The following IGSF10 variants were observed in gnomAD, a reference collection of about 807,000 sequenced individuals.
IGSF10 encodes immunoglobulin superfamily member 10.
IGSF10 carries 126 observed loss-of-function variants against 128.2 expected under a neutral mutation model. The ratio of observed to expected loss-of-function variants is 0.98; its 90% CI spans 0.85 to 1.14. The LOEUF is 1.14. Among genes scored for constraint, IGSF10 ranks in the 50% most tolerant of loss-of-function variants. The pLI is 0.00. For synonymous variants in IGSF10, 1,185 were observed against 1,146.2 expected, an observed-to-expected ratio of 1.03 and a Z score of -0.68; for missense variants, 3,295 against 3,149.8, an observed-to-expected ratio of 1.05 and a Z score of -1.10.
the IGSF10 span, among the ~76,000 whole-genome samples, chr3:151,560,708 C>CG: frequency 8.6e-5 from 13 of 151,808 alleles, no homozygotes; most frequent in South Asian, 1.0e-3. Context: ...CATAGCCCCC[C>CG]CCTCCGTCCC....
rs767644999 is a variant in IGSF10 at position 151,438,533 on chromosome 3, C to G, written c.6028G>C (p.Asp2010His). ...GCCACACACAAGTAGACACCACTGTCTTTTTCTGTTACTGATCCAATAAAC... is the reference window on the plus strand; with the variant it reads ...GCCACACACAAGTAGACACCACTGTGTTTTTCTGTTACTGATCCAATAAAC... Reference protein sequence around the residue: ...SLFIGSVTEKDSGVYLCVARN... With the variant: ...SLFIGSVTEKHSGVYLCVARN... The change falls in exon 8 of 8, where the codon GAC becomes CAC. Residue 2010 changes from aspartate to histidine, a missense_variant. Physicochemically the swap from Asp to His is moderately conservative, Grantham distance 81. Transcript: ENST00000282466. The G allele has an allele frequency of 6.8e-6, 11 of 1,614,000 alleles. No homozygotes were observed. The highest frequency in any genetic ancestry group is 5.5e-5 in the South Asian group (5 of 91,080).
upstream of IGSF10, among the ~76,000 whole-genome samples, chr3:151,463,544 T>TTG (rs1560185555): frequency 1.2e-4 from 13 of 105,566 alleles, no homozygotes; most frequent in East Asian, 3.9e-4. Flanking sequence ...TTTTTTTTTT[T>TTG]TTTTTTTTTT....
chr3:151,613,130 C>T, the IGSF10 span, among the ~76,000 whole-genome samples: 18 of 152,260 alleles, frequency 1.2e-4, no homozygotes, highest in African/African-American at 3.9e-4. Flanking sequence ...ATCCAACTTA[C>T]AAGGGATGTG....
At chr3:151,569,744 T>A in the IGSF10 span, among the ~76,000 whole-genome samples, 197 of 152,176 alleles carry the variant, frequency 1.3e-3, 2 homozygotes, top group African/African-American at 4.4e-3. Context: ...ATCTTTTTTT[T>A]AAATTATACT....
In IGSF10 at chr3:151,438,038, A is replaced by G. The variant is rs781279419; in HGVS notation, c.6523T>C (p.Trp2175Arg). 19 of 1,614,192 alleles carry G rather than the reference A, an allele frequency of 1.2e-5. No individual in the cohort carries two copies. The South Asian group carries it at 2.1e-4, about 18-fold the overall frequency. ...ATCATGTCATTGGAAGGCAGCAACC[A>G]AAATATTTTTGGTTTGGGATCCCCA... ...VTGDPKPKIFWLLPSNDMISF... is the reference protein window; with the variant it reads ...VTGDPKPKIFRLLPSNDMISF... The change falls in exon 8 of 8, where the codon TGG becomes CGG. Residue 2175 changes from tryptophan (W) to arginine (R), a missense_variant. Transcript: ENST00000282466.
At chr3:151,441,297 G>C (rs1720835123) in intron 7 of IGSF10, among the ~76,000 whole-genome samples, 1 of 152,216 alleles carries the variant, frequency 6.6e-6, no homozygotes, top group African/African-American at 2.4e-5. Context: ...GTTTCCCAGA[G>C]TGGAAGACAG....
chr3:151,618,456 C>T, the IGSF10 span, among the ~76,000 whole-genome samples: 3 of 152,240 alleles, frequency 2.0e-5, no homozygotes, highest in Admixed American at 1.3e-4. Context: ...GTTTGCCGGG[C>T]GCGGTGGCTC....
In IGSF10 at chr3:151,437,915, G is replaced by A. The variant is rs200663431; in HGVS notation, c.6646C>T (p.Arg2216Ter). ...LDSGEYVCVA[R>*]NPSGDDTKMY... The stretch of plus-strand genomic sequence containing the variant: ...TTGGTGTCATCCCCACTGGGATTTC[G>A]GGCTACACATACGTACTCTCCAGAA... Residue 2216 changes from arginine to a stop codon, truncating the protein, a stop_gained, in exon 8 of 8, where the codon CGA becomes TGA. Transcript: ENST00000282466. LOFTEE classifies it low-confidence loss of function (END_TRUNC). 1.2e-4 allele frequency: 195 copies of A among 1,614,060 alleles called. No homozygotes were observed. In the East Asian group the frequency reaches 4.0e-3, roughly 33 times the overall value.
Position 151,457,088 on chromosome 3 carries a change from G to C in IGSF10, c.262C>G (p.Leu88Val). The C allele has an allele frequency of 6.2e-7, 1 of 1,614,130 alleles. No individual in the cohort carries two copies. The highest frequency in any genetic ancestry group is 8.5e-7 in the Non-Finnish European group (1 of 1,179,966). ...ATTGTGTGAATGCCATTGCTGTGAA[G>C]CATGAGTAACTCCAGTTTGGTCAGG... ...SGLTKLELLM[L>V]HSNGIHTIPD... Residue 88 changes from leucine (L) to valine (V), a missense_variant, in exon 4 of 8, where the codon CTT becomes GTT. By Grantham distance (32) the Leu-to-Val change is conservative. Transcript: ENST00000282466.
chr3:151,566,377 A>T, the IGSF10 span, among the ~76,000 whole-genome samples: 1 of 152,162 alleles, frequency 6.6e-6, no homozygotes, highest in Non-Finnish European at 1.5e-5. Context: ...GTTCTACTTA[A>T]TAAGTACAAC....
At chr3:151,432,683 A>C, downstream of IGSF10, 1 of 1,142,066 alleles carries the variant, frequency 8.8e-7, no homozygotes, top group Non-Finnish European at 1.3e-6. Flanking sequence ...AGCAGTGACA[A>C]GAGGGTAGCA....
At chr3:151,544,868 T>C in the IGSF10 span, among the ~76,000 whole-genome samples, 6 of 152,122 alleles carry the variant, frequency 3.9e-5, no homozygotes, top group African/African-American at 9.7e-5. Flanking sequence ...GTTTTCTCTG[T>C]TTTCTACTCT....
chr3:151,487,368 C>A, the IGSF10 span, among the ~76,000 whole-genome samples: 1 of 152,120 alleles, frequency 6.6e-6, no homozygotes, highest in African/African-American at 2.4e-5. Flanking sequence ...AAGTCCAAGA[C>A]CAGACAGACT....
Position 151,437,754 on chromosome 3 carries a change from AG to A in IGSF10, c.6806del (p.Pro2269LeufsTer35). ...FDCRAEGTPS[P>X]EVMWIMPDNI... ...TGTCTGGCATGATCCACATGACTTC[AG>A]GAGATGGTGTCCCTTCAGCTCTGCA... On this transcript the variant is annotated frameshift_variant, in exon 8 of 8. Coordinates refer to ENST00000282466, the MANE Select transcript of IGSF10 (RefSeq NM_178822.5). LOFTEE classifies it low-confidence loss of function (END_TRUNC). 1.2e-6 allele frequency: 2 copies of A among 1,614,018 alleles called. No individual in the cohort carries two copies. Among genetic ancestry groups the A allele is most frequent in the Non-Finnish European group, 1.7e-6 (2 of 1,179,970 alleles).
the IGSF10 span, among the ~76,000 whole-genome samples, chr3:151,535,021 T>TA: frequency 2.0e-3 from 288 of 147,170 alleles, no homozygotes; most frequent in African/African-American, 6.6e-3. Flanking sequence ...CTTTGGCAAT[T>TA]AAAAAAAAAA....
chr3:151,564,410 T>TTTCC, the IGSF10 span, among the ~76,000 whole-genome samples: 666 of 152,208 alleles, frequency 4.4e-3, 4 homozygotes, highest in Middle Eastern at 0.014. Flanking sequence ...TAAGAATTTA[T>TTTCC]TTCCTTCCTT....
the IGSF10 span, among the ~76,000 whole-genome samples, chr3:151,618,784 AAAAAT>A: frequency 6.7e-6 from 1 of 149,918 alleles, no homozygotes; most frequent in South Asian, 2.1e-4. Flanking sequence ...AATTAAAAAT[AAAAAT>A]AAAATAAATA....
At chr3:151,583,631 C>G in the IGSF10 span, among the ~76,000 whole-genome samples, 6 of 152,150 alleles carry the variant, frequency 3.9e-5, no homozygotes, top group South Asian at 8.3e-4. Flanking sequence ...ATGTAAATGA[C>G]GAGTTAATAG....
the IGSF10 span, among the ~76,000 whole-genome samples, chr3:151,610,315 T>C: frequency 6.6e-6 from 1 of 152,214 alleles, no homozygotes; most frequent in Admixed American, 6.5e-5. Context: ...ATACAGAGCA[T>C]GATGCCATCT....
Sources: gnomAD v4.1 joint callset for allele counts (sites outside exome capture counted in the v4.1 genomes callset) on GRCh38, gnomAD v4.1.1 for gene constraint, MANE v1.5 for transcripts, NCBI Gene and HGNC (gene_info 2026-07-23, HGNC 2026-07-21) for gene names.